The following CACNA1E variants were observed in gnomAD, a reference collection of about 807,000 sequenced individuals.
The protein encoded by CACNA1E is voltage-dependent R-type calcium channel subunit alpha-1E.
Under a neutral mutation model 259.2 loss-of-function variants are expected in CACNA1E, and 40 were observed. The observed-to-expected ratio is 0.15, with a 90% CI of 0.12 to 0.20. The LOEUF is 0.20. Ranked by LOEUF, CACNA1E falls within the 10% of genes least tolerant of loss-of-function variation. The pLI, the probability that CACNA1E is intolerant of heterozygous loss-of-function variation, is 1.00. For synonymous variants in CACNA1E, 1,104 were observed against 1,138.5 expected, an observed-to-expected ratio of 0.97 and a Z score of 0.61; for missense variants, 1,874 against 3,040.1, an observed-to-expected ratio of 0.62 and a Z score of 9.02.
In CACNA1E at chr1:181,579,085, G is replaced by A. The variant is rs371977742; in HGVS notation, c.630G>A (p.Val210=). Residue 210 remains valine, a synonymous_variant, in exon 5 of 48, where the codon GTG becomes GTA. Transcript: ENST00000367573. ...CCTTCCTTCTAGGCCTGCAGATTGT[G>A]TTGAAGTCCATCATGAAGGCCATGG... The part of the protein sequence containing the change: ...LVSGIPSLQI[V]LKSIMKAMVP... 9.3e-6 allele frequency: 15 copies of A among 1,611,254 alleles called. No individual in the cohort carries two copies. The highest frequency in any genetic ancestry group is 1.3e-5 in the Non-Finnish European group (15 of 1,178,700).
chr1:181,392,402 A>C (rs1656364787), intron 1 of CACNA1E, among the ~76,000 whole-genome samples: 2 of 152,136 alleles, frequency 1.3e-5, no homozygotes, highest in African/African-American at 4.8e-5. Context: ...TCCTTCTCAG[A>C]GCTCCTAAAA....
intron 1 of CACNA1E, among the ~76,000 whole-genome samples, chr1:181,349,668 A>G (rs1051969858): frequency 1.3e-5 from 2 of 152,088 alleles, no homozygotes; most frequent in African/African-American, 4.8e-5. Context: ...GAAGTACTCC[A>G]TGCTGTGTAG....
chr1:181,559,495 A>G (rs978125652), intron 3 of CACNA1E, among the ~76,000 whole-genome samples: 14 of 152,208 alleles, frequency 9.2e-5, no homozygotes, highest in African/African-American at 3.4e-4. Flanking sequence ...AACTTTAGGA[A>G]ATGTGGCTTT....
At chr1:181,456,176 G>GCA (rs199648963) in intron 2 of CACNA1E, among the ~76,000 whole-genome samples, 1 of 152,138 alleles carries the variant, frequency 6.6e-6, no homozygotes, top group African/African-American at 2.4e-5. Flanking sequence ...CATCATTGCT[G>GCA]ATGGTACCAG....
rs771811296 is a variant in CACNA1E, at chr1:181,718,138, C to T, written c.1609C>T (p.His537Tyr). 10 of 1,606,512 alleles carry T rather than the reference C, an allele frequency of 6.2e-6. No individual in the cohort carries two copies. The highest frequency in any genetic ancestry group is 8.5e-6 in the Non-Finnish European group (10 of 1,173,382). The change falls in exon 12 of 48, where the codon CAC (histidine) becomes TAC (tyrosine). Residue 537 changes from histidine to tyrosine, a missense_variant. By Grantham distance (83) the His-to-Tyr change is moderately conservative. Transcript: ENST00000367573. Reference sequence around the variant, plus strand: ...TGGCATGGGGCCTCGCCTTTATTTTCACTCTTCATTCAACTGCTTTGATTT... The same window carrying T: ...TGGCATGGGGCCTCGCCTTTATTTTTACTCTTCATTCAACTGCTTTGATTT... Reference protein sequence around the residue: ...MYGMGPRLYFHSSFNCFDFGV... With the variant: ...MYGMGPRLYFYSSFNCFDFGV...
intron 1 of CACNA1E, among the ~76,000 whole-genome samples, chr1:181,329,472 A>G (rs74127725): frequency 7.2e-5 from 11 of 152,170 alleles, no homozygotes; most frequent in African/African-American, 2.4e-4. Context: ...TTCAATGCCT[A>G]CTTTGCTCTC....
intron 6 of CACNA1E, among the ~76,000 whole-genome samples, chr1:181,603,807 C>T (rs887578804): frequency 6.6e-6 from 1 of 152,154 alleles, no homozygotes; most frequent in Non-Finnish European, 1.5e-5. Flanking sequence ...CTTGTTGCCT[C>T]CTGTTCTCGC....
intron 1 of CACNA1E, among the ~76,000 whole-genome samples, chr1:181,380,956 G>A (rs999285789): frequency 2.6e-5 from 4 of 152,058 alleles, no homozygotes; most frequent in African/African-American, 7.2e-5. Context: ...TCACGAGGTC[G>A]GGAGTTTGAG....
At chr1:181,544,053 A>G (rs1668795465) in intron 3 of CACNA1E, among the ~76,000 whole-genome samples, 1 of 152,246 alleles carries the variant, frequency 6.6e-6, no homozygotes, top group Non-Finnish European at 1.5e-5. Flanking sequence ...ATAGACAAAA[A>G]GTATCCCAAG....
intron 46 of CACNA1E, 46 bp downstream of exon 46, chr1:181,795,090 C>CA: frequency 2.0e-6 from 3 of 1,514,360 alleles, no homozygotes; most frequent in Non-Finnish European, 2.7e-6. Flanking sequence ...GCAGTGGGCT[C>CA]CTGCCCTGAT....
intron 35 of CACNA1E, among the ~76,000 whole-genome samples, chr1:181,768,468 C>T (rs963474390): frequency 3.9e-5 from 6 of 152,184 alleles, no homozygotes; most frequent in African/African-American, 1.4e-4. Context: ...TGCTCAAGTT[C>T]TCAGACAGTA....
At chr1:181,337,935 A>G (rs906411083) in intron 1 of CACNA1E, among the ~76,000 whole-genome samples, 4 of 152,246 alleles carry the variant, frequency 2.6e-5, no homozygotes, top group South Asian at 2.1e-4. Context: ...AGGAACATCC[A>G]TGCTGTTTTC....
rs757325120 is a variant in CACNA1E, at chr1:181,726,183, A to G, written c.2240+21A>G. ...ATCGAGTGAGTCAGCTGCCCCCTTC[A>G]CTGATCCCTGAGCTCCTGTGCTAAC... On this transcript the variant is annotated intron_variant, in intron 18 of 47. Transcript: ENST00000367573. The G allele has an allele frequency of 2.9e-5, 45 of 1,564,880 alleles. No homozygotes were observed. In the East Asian group the frequency reaches 9.5e-4, roughly 33 times the overall value.
intron 1 of CACNA1E, among the ~76,000 whole-genome samples, chr1:181,507,030 A>G (rs1015469626): frequency 1.3e-5 from 2 of 151,692 alleles, no homozygotes; most frequent in East Asian, 3.9e-4. Context: ...TATATATCTG[A>G]ACAATTTTAA....
chr1:181,793,826 C>T lies in CACNA1E; in HGVS notation c.6027+33C>T, dbSNP rs745947182. ...GCAACCACCTACATTAATGCAGTGG[C>T]ATCCGGGCTGTATTAGCTGGGTTAT... is the stretch of plus-strand genomic sequence containing the variant. On this transcript the variant is annotated intron_variant, in intron 45 of 47. Coordinates refer to ENST00000367573, the MANE Select transcript of CACNA1E (RefSeq NM_001205293.3). The T allele has an allele frequency of 2.5e-6, 4 of 1,603,516 alleles. No individual in the cohort carries two copies. The East Asian group carries it at 8.9e-5, about 36-fold the overall frequency.
intron 1 of CACNA1E, among the ~76,000 whole-genome samples, chr1:181,489,851 T>A (rs559903361): frequency 1.3e-5 from 2 of 152,304 alleles, no homozygotes; most frequent in East Asian, 3.9e-4. Flanking sequence ...ACCACCACGA[T>A]GTGGCTTCTA....
chr1:181,434,458 C>T (rs1052056721), intron 2 of CACNA1E, among the ~76,000 whole-genome samples: 1 of 150,992 alleles, frequency 6.6e-6, no homozygotes, highest in Non-Finnish European at 1.5e-5. Flanking sequence ...TGTCTGATCT[C>T]ATGGAATTTA....
At chr1:181,390,071 C>T (rs779246223) in intron 1 of CACNA1E, among the ~76,000 whole-genome samples, 2 of 152,180 alleles carry the variant, frequency 1.3e-5, no homozygotes, top group East Asian at 1.9e-4. Context: ...CCTGAGAGCA[C>T]GAGGACTTTG....
At chr1:181,698,603 A>C (rs1651938048) in intron 7 of CACNA1E, among the ~76,000 whole-genome samples, 1 of 152,044 alleles carries the variant, frequency 6.6e-6, no homozygotes, top group Non-Finnish European at 1.5e-5. Context: ...TGTCACTGTC[A>C]TTGTATATGT....
Sources: gnomAD v4.1 joint callset for allele counts (sites outside exome capture counted in the v4.1 genomes callset) on GRCh38, gnomAD v4.1.1 for gene constraint, MANE v1.5 for transcripts, NCBI Gene and HGNC (gene_info 2026-07-23, HGNC 2026-07-21) for gene names.